MAST4: variants seen among roughly 807,000 people sequenced by gnomAD.
MAST4 encodes the protein microtubule associated serine/threonine kinase family member 4.
MAST4 carries 89 observed loss-of-function variants against 162.7 expected under a neutral mutation model. The observed-to-expected ratio is 0.55, with a 90% CI of 0.46 to 0.65. MAST4 has a LOEUF of 0.65. Ranked by LOEUF, MAST4 falls within the 30% of genes least tolerant of loss-of-function variation. The pLI is 0.00. For missense variants in MAST4, 3,153 were observed against 3,374.0 expected (o/e 0.93, Z 1.62); for synonymous variants, 1,479 against 1,361.1 (o/e 1.09, Z -1.91).
chr5:67,115,726 A>G (rs1319789649), intron 12 of MAST4, among the ~76,000 whole-genome samples: 1 of 152,240 alleles, frequency 6.6e-6, no homozygotes, highest in Non-Finnish European at 1.5e-5. Context: ...AAATCACTTC[A>G]GGCATTACAA....
chr5:66,821,683 G>A (rs375502072), intron 3 of MAST4, among the ~76,000 whole-genome samples: 1 of 152,168 alleles, frequency 6.6e-6, no homozygotes, highest in East Asian at 1.9e-4. Flanking sequence ...CATTAATGCT[G>A]TAGTGTGTGT....
At chr5:67,144,484 A>T (rs77290956) in intron 21 of MAST4, among the ~76,000 whole-genome samples, 185 bp from the exon 22 acceptor site, 20 of 135,788 alleles carry the variant, frequency 1.5e-4, no homozygotes, top group African/African-American at 3.9e-4. Context: ...ACACACACAC[A>T]CACTCACTCA....
chr5:66,807,577 TATTC>T (rs1195904471), intron 3 of MAST4, among the ~76,000 whole-genome samples: 1 of 152,196 alleles, frequency 6.6e-6, no homozygotes, highest in Non-Finnish European at 1.5e-5. Context: ...TAGTAGGTCT[TATTC>T]ATTCTTTCTA....
intron 3 of MAST4, among the ~76,000 whole-genome samples, chr5:66,852,892 T>C (rs755173710): frequency 5.9e-5 from 9 of 152,172 alleles, no homozygotes; most frequent in Non-Finnish European, 8.8e-5. Context: ...GCAGAAAATA[T>C]GATGAGCTGA....
intron 27 of MAST4, 114 bp downstream of exon 27, chr5:67,160,706 A>G (rs774166283): frequency 2.2e-5 from 26 of 1,157,144 alleles, no homozygotes; most frequent in Non-Finnish European, 3.1e-5. Flanking sequence ...GAGAAATTTT[A>G]TGTTATGGTT....
intron 4 of MAST4, among the ~76,000 whole-genome samples, chr5:67,003,258 C>A (rs1473154110): frequency 3.3e-5 from 5 of 152,076 alleles, no homozygotes; most frequent in Admixed American, 2.6e-4. Context: ...GAAAATAATG[C>A]CTTCTTTGTC....
At chr5:66,959,511 A>G (rs540344441) in intron 4 of MAST4, among the ~76,000 whole-genome samples, 6 of 152,350 alleles carry the variant, frequency 3.9e-5, no homozygotes, top group African/African-American at 1.4e-4. Context: ...ATTGCTGCAT[A>G]TTTAAAGTTA....
Position 67,116,366 on chromosome 5 carries a change from C to G in MAST4, c.1591+2147C>G, listed in dbSNP as rs144208689. Among the ~76,000 whole-genome samples the G allele has an allele frequency of 9.6e-3, 1,456 of 151,552 alleles. 19 individuals carry two copies. Among genetic ancestry groups the G allele is most frequent in the African/African-American group, 0.033 (1,379 of 41,338 alleles). ...GATTACAGACGTGTGTCACCATGCT[C>G]AGCTAATTTTTGTATTTTTAGTAGA... On this transcript the variant is annotated intron_variant, in intron 12 of 28. Coordinates refer to ENST00000403625, the MANE Select transcript of MAST4 (RefSeq NM_001164664.2).
intron 5 of MAST4, among the ~76,000 whole-genome samples, chr5:67,078,848 T>A (rs1171362861): frequency 9.0e-6 from 1 of 111,152 alleles, no homozygotes; most frequent in Non-Finnish European, 1.7e-5. Flanking sequence ...TTAAATATAT[T>A]TATATATTTA....
At chr5:66,925,999 A>G (rs1259092613) in intron 4 of MAST4, among the ~76,000 whole-genome samples, 1 of 151,736 alleles carries the variant, frequency 6.6e-6, no homozygotes, top group Non-Finnish European at 1.5e-5. Context: ...TGGATTCACT[A>G]CTGATTAATG....
intron 3 of MAST4, among the ~76,000 whole-genome samples, chr5:66,839,910 T>G (rs901356611): frequency 6.9e-6 from 1 of 143,890 alleles, no homozygotes; most frequent in African/African-American, 2.5e-5. Flanking sequence ...TGTTTCCAGT[T>G]TCTTTGTGCA....
At position 67,165,496 on chromosome 5, in the gene MAST4, C is replaced by T. The variant is rs1318738340; in HGVS notation, c.6317C>T (p.Ser2106Phe). The change falls in exon 29 of 29, where the codon TCC (serine) becomes TTC (phenylalanine). Residue 2106 changes from serine (S) to phenylalanine (F), a missense_variant. By Grantham distance (155) the Ser-to-Phe change is radical (BLOSUM62 -2). Transcript: ENST00000403625. ...GIESEKSEKL[S>F]SFPSLQKDGA... is the part of the protein sequence containing the mutation. ...GAGAGTGAGAAGAGTGAAAAGCTCT[C>T]CAGTTTCCCATCTTTGCAGAAAGAT... 1.9e-6 allele frequency: 3 copies of T among 1,613,954 alleles called. No individual in the cohort carries two copies. Among genetic ancestry groups the T allele is most frequent in the Non-Finnish European group, 8.5e-7 (1 of 1,179,888 alleles).
At position 66,915,221 on chromosome 5, in the gene MAST4, G is replaced by A. The variant is rs146478204; in HGVS notation, c.674+15239G>A. Among the ~76,000 whole-genome samples the A allele has an allele frequency of 2.3e-3, 345 of 147,480 alleles. 1 individual carries two copies. The highest frequency in any genetic ancestry group is 8.2e-3 in the African/African-American group (326 of 39,566). ...GCGGAGGTAGCAGTGAGCTGAGATCGTGCCACTGCATTCCAGCCTGGGCTT... is the reference window on the plus strand; with the variant it reads ...GCGGAGGTAGCAGTGAGCTGAGATCATGCCACTGCATTCCAGCCTGGGCTT... On this transcript the variant is annotated intron_variant, in intron 4 of 28. Transcript: ENST00000403625.
intron 4 of MAST4, among the ~76,000 whole-genome samples, chr5:67,052,821 T>A (rs1403164075): frequency 6.6e-6 from 1 of 152,180 alleles, no homozygotes; most frequent in Non-Finnish European, 1.5e-5. Context: ...TTCCAGGACA[T>A]AAATCTGTCA....
chr5:66,657,648 G>A (rs541709815), intron 1 of MAST4, among the ~76,000 whole-genome samples: 6 of 152,278 alleles, frequency 3.9e-5, no homozygotes, highest in South Asian at 4.1e-4. Flanking sequence ...GATAACATGC[G>A]TGAGTAATAT....
chr5:66,852,684 A>AT (rs1759399232), intron 3 of MAST4, among the ~76,000 whole-genome samples: 1 of 152,192 alleles, frequency 6.6e-6, no homozygotes, highest in East Asian at 1.9e-4. Context: ...CCCAAATTAG[A>AT]AACACAGATA....
chr5:67,111,729 G>A (rs1364748979), intron 11 of MAST4, among the ~76,000 whole-genome samples: 3 of 152,148 alleles, frequency 2.0e-5, no homozygotes, highest in Non-Finnish European at 2.9e-5. Context: ...GACAACAGCA[G>A]ATATACTAAG....
intron 2 of MAST4, among the ~76,000 whole-genome samples, chr5:66,785,598 A>G (rs1396323770): frequency 6.6e-6 from 1 of 152,152 alleles, no homozygotes; most frequent in Non-Finnish European, 1.5e-5. Context: ...GGTATATAAT[A>G]AGGCCTCAAT....
intron 3 of MAST4, among the ~76,000 whole-genome samples, chr5:66,816,655 C>T (rs1756741491): frequency 6.6e-6 from 1 of 152,032 alleles, no homozygotes; most frequent in Non-Finnish European, 1.5e-5. Context: ...CCACTGTACC[C>T]CGGCTGCCAT....
Sources: gnomAD v4.1 joint callset for allele counts (sites outside exome capture counted in the v4.1 genomes callset) on GRCh38, gnomAD v4.1.1 for gene constraint, MANE v1.5 for transcripts, NCBI Gene and HGNC (gene_info 2026-07-23, HGNC 2026-07-21) for gene names.